The following PAK5 variants were observed in gnomAD, a reference collection of about 807,000 sequenced individuals.
PAK5 encodes p21 (RAC1) activated kinase 5.
A neutral mutation model predicts 65.9 loss-of-function variants in PAK5; 16 were observed. The observed-to-expected ratio is 0.24, with a 90% confidence interval of 0.16 to 0.37. PAK5 has a LOEUF of 0.37. PAK5 is among the 10% of genes least tolerant of loss of function. The pLI is 1.00. For synonymous variants in PAK5, 371 were observed against 354.9 expected, an observed-to-expected ratio of 1.05 and a Z score of -0.51; for missense variants, 785 against 903.9, an observed-to-expected ratio of 0.87 and a Z score of 1.69.
chr20:9,673,508 T>A (rs2047528754), intron 2 of PAK5, among the ~76,000 whole-genome samples: 1 of 152,204 alleles, frequency 6.6e-6, no homozygotes, highest in Non-Finnish European at 1.5e-5. Flanking sequence ...TTTTGTTCAA[T>A]TTAAATAACC....
intron 1 of PAK5, among the ~76,000 whole-genome samples, chr20:9,812,077 A>T (rs1016709125): frequency 7.9e-5 from 12 of 152,188 alleles, no homozygotes; most frequent in African/African-American, 2.4e-4. Context: ...TTCCTAGGGG[A>T]TCACCTTTCA....
intron 2 of PAK5, among the ~76,000 whole-genome samples, chr20:9,659,397 C>T (rs2047313440): frequency 6.6e-6 from 1 of 152,180 alleles, no homozygotes; most frequent in Admixed American, 6.5e-5. Context: ...CATATGCTAG[C>T]ACCACCTCCT....
intron 3 of PAK5, among the ~76,000 whole-genome samples, chr20:9,598,149 T>G (rs2046303142): frequency 6.6e-6 from 1 of 152,148 alleles, no homozygotes; most frequent in Non-Finnish European, 1.5e-5. Context: ...TCCTGGCCTA[T>G]CTCCCTGTGT....
intron 1 of PAK5, among the ~76,000 whole-genome samples, chr20:9,824,055 T>C (rs1211925549): frequency 2.0e-5 from 3 of 152,236 alleles, no homozygotes; most frequent in African/African-American, 7.2e-5. Context: ...ATATCTGGCA[T>C]ATAATACATG....
chr20:9,744,720 G>C (rs751683106), intron 1 of PAK5, among the ~76,000 whole-genome samples: 1 of 152,166 alleles, frequency 6.6e-6, no homozygotes, highest in Non-Finnish European at 1.5e-5. Context: ...ACCAGCTCAA[G>C]GTCATGCATG....
At chr20:9,593,211 G>A (rs529484263) in intron 3 of PAK5, among the ~76,000 whole-genome samples, 88 of 152,126 alleles carry the variant, frequency 5.8e-4, no homozygotes, top group African/African-American at 2.1e-3. Context: ...GGCTGAGGTC[G>A]GAGGATCCCT....
chr20:9,559,496 C>A (rs1373227975), intron 6 of PAK5, among the ~76,000 whole-genome samples: 2 of 152,156 alleles, frequency 1.3e-5, no homozygotes, highest in African/African-American at 2.4e-5. Flanking sequence ...ACACACCCTT[C>A]CCCTCAAGGA....
intron 3 of PAK5, among the ~76,000 whole-genome samples, chr20:9,622,828 A>T (rs2046789939): frequency 6.6e-6 from 1 of 152,192 alleles, no homozygotes; most frequent in Non-Finnish European, 1.5e-5. Context: ...CCACAAAACC[A>T]GTCCCTGGTG....
At chr20:9,761,494 T>C (rs1248899042) in intron 1 of PAK5, among the ~76,000 whole-genome samples, 9 of 152,282 alleles carry the variant, frequency 5.9e-5, no homozygotes, top group Middle Eastern at 3.4e-3. Flanking sequence ...TGCATCAAAA[T>C]TCTATCAAAA....
At chr20:9,547,732 T>C (rs958356274) in intron 7 of PAK5, among the ~76,000 whole-genome samples, 22 of 152,284 alleles carry the variant, frequency 1.4e-4, no homozygotes, top group African/African-American at 5.1e-4. Context: ...TCCAAGGTCT[T>C]GTTACTTAAA....
chr20:9,787,303 C>T (rs991669038), intron 1 of PAK5, among the ~76,000 whole-genome samples: 2 of 152,110 alleles, frequency 1.3e-5, no homozygotes, highest in African/African-American at 4.8e-5. Flanking sequence ...TCCAGTAGTA[C>T]CCTTACTATC....
intron 1 of PAK5, among the ~76,000 whole-genome samples, chr20:9,738,090 G>A (rs370609547): frequency 1.6e-4 from 24 of 152,086 alleles, no homozygotes; most frequent in African/African-American, 5.3e-4. Flanking sequence ...GCAGTGAGCC[G>A]AGATCGCACA....
chr20:9,549,255 G>A (rs955910219), intron 7 of PAK5, among the ~76,000 whole-genome samples: 2 of 152,070 alleles, frequency 1.3e-5, no homozygotes, highest in Non-Finnish European at 2.9e-5. Context: ...GATGGTGGTG[G>A]GCTTTGGAAA....
intron 2 of PAK5, 55 bp from the exon 3 acceptor site, chr20:9,644,394 C>G: frequency 1.8e-6 from 2 of 1,129,956 alleles, no homozygotes; most frequent in Non-Finnish European, 2.6e-6. Context: ...AGCAGAAGAC[C>G]AGGAGAAAGC....
At chr20:9,719,144 G>C (rs2123512880) in intron 1 of PAK5, among the ~76,000 whole-genome samples, 1 of 152,274 alleles carries the variant, frequency 6.6e-6, no homozygotes, top group Non-Finnish European at 1.5e-5. Context: ...TCTAAAAATT[G>C]AATAAGTAAC....
At chr20:9,666,118 A>G (rs2047413776) in intron 2 of PAK5, among the ~76,000 whole-genome samples, 1 of 152,202 alleles carries the variant, frequency 6.6e-6, no homozygotes, top group South Asian at 2.1e-4. Flanking sequence ...GGAAGGAGGA[A>G]GGGAAAAGTA....
intron 1 of PAK5, among the ~76,000 whole-genome samples, chr20:9,819,783 C>G (rs1158280322): frequency 6.6e-6 from 1 of 152,172 alleles, no homozygotes; most frequent in Non-Finnish European, 1.5e-5. Context: ...GGAACCGGTA[C>G]TGGCACATGA....
intron 4 of PAK5, among the ~76,000 whole-genome samples, chr20:9,576,048 C>G (rs1322127943): frequency 6.6e-6 from 1 of 152,206 alleles, no homozygotes; most frequent in Non-Finnish European, 1.5e-5. Context: ...CAGTAACCCT[C>G]ACCTCACTGC....
intron 9 of PAK5, among the ~76,000 whole-genome samples, chr20:9,541,128 G>T (rs2045256021): frequency 6.6e-6 from 1 of 152,098 alleles, no homozygotes; most frequent in Admixed American, 6.6e-5. Context: ...ACCTATATGA[G>T]TGATGCTACT....
Sources: gnomAD v4.1 joint callset for allele counts (sites outside exome capture counted in the v4.1 genomes callset) on GRCh38, gnomAD v4.1.1 for gene constraint, MANE v1.5 for transcripts, NCBI Gene and HGNC (gene_info 2026-07-23, HGNC 2026-07-21) for gene names.